Variants in NEK4 observed in about 807,000 individuals in gnomAD.
NEK4 encodes serine/threonine-protein kinase Nek4.
In NEK4, 86 loss-of-function variants were observed where a neutral mutation model predicts 98.4. That is an observed-to-expected ratio of 0.87 (90% CI 0.73 to 1.05). The LOEUF (loss-of-function observed/expected upper bound fraction) is 1.05. Ranked by LOEUF, NEK4 falls within the 50% of genes least tolerant of loss-of-function variation. The pLI is 0.00. For synonymous variants in NEK4, 328 were observed against 342.2 expected (o/e 0.96, Z 0.46); for missense variants, 898 against 950.3 (o/e 0.94, Z 0.72).
intron 15 of NEK4, among the ~76,000 whole-genome samples, chr3:52,714,663 C>A (rs2097353477): frequency 6.6e-6 from 1 of 152,206 alleles, no homozygotes; most frequent in Non-Finnish European, 1.5e-5. Flanking sequence ...CTGTCACCTG[C>A]CGCTGGGGGA....
At chr3:52,730,258 A>G (rs532751845) in intron 15 of NEK4, among the ~76,000 whole-genome samples, 1 of 152,210 alleles carries the variant, frequency 6.6e-6, no homozygotes, top group Admixed American at 6.5e-5. Flanking sequence ...ATCTGAATAG[A>G]CCCATAACTA....
chr3:52,733,394 G>C, intron 15 of NEK4: 1 of 367,910 alleles, frequency 2.7e-6, no homozygotes, highest in South Asian at 2.5e-5. Context: ...AGCATTTAAA[G>C]AGTGTTCAGG....
At chr3:52,740,332 T>C (rs1220694544) in intron 13 of NEK4, among the ~76,000 whole-genome samples, 2 of 151,506 alleles carry the variant, frequency 1.3e-5, no homozygotes, top group African/African-American at 2.4e-5. Context: ...AACATGAACA[T>C]GTTAAAGAGA....
intron 15 of NEK4, among the ~76,000 whole-genome samples, chr3:52,726,196 GATGGTTTGT>G (rs2097364408): frequency 6.6e-6 from 1 of 152,182 alleles, no homozygotes; most frequent in African/African-American, 2.4e-5. Flanking sequence ...TGAGGATATT[GATGGTTTGT>G]TTTTAGGTGT....
At chr3:52,723,533 T>A (rs1377788886) in intron 15 of NEK4, among the ~76,000 whole-genome samples, 1 of 152,048 alleles carries the variant, frequency 6.6e-6, no homozygotes, top group Non-Finnish European at 1.5e-5. Flanking sequence ...TGAGCCACCA[T>A]GCCCGGTCTG....
At position 52,768,573 on chromosome 3, in the gene NEK4, G is replaced by T; in HGVS notation, c.125C>A (p.Ala42Asp). The change falls in exon 2 of 16, where the codon GCC becomes GAC. Residue 42 changes from alanine to aspartate, a missense_variant. Transcript: ENST00000233027. ...AGCAGCTCGCCGCTCTCGGCTAGAGGCATTTCGGAGGTTCAGTTTTTTGAT... is the reference window on the plus strand; with the variant it reads ...AGCAGCTCGCCGCTCTCGGCTAGAGTCATTTCGGAGGTTCAGTTTTTTGAT... ...YVIKKLNLRN[A>D]SSRERRAAEQ... is the part of the protein sequence containing the mutation. 1 of 1,614,110 alleles carries T rather than the reference G, an allele frequency of 6.2e-7. No homozygotes were observed. The highest frequency in any genetic ancestry group is 8.5e-7 in the Non-Finnish European group (1 of 1,179,986).
rs142804627 is a variant in NEK4, at chr3:52,752,067, C to T, written c.1233G>A (p.Leu411=). ...CSISQVEEEM[L]QDNTKSSAQP... ...GGGCACTGGATTTAGTGTTGTCCTGCAGCATCTCCTCTTCCACTTGAGAAA... is the reference window on the plus strand; with the variant it reads ...GGGCACTGGATTTAGTGTTGTCCTGTAGCATCTCCTCTTCCACTTGAGAAA... The change falls in exon 7 of 16, where the codon CTG becomes CTA. Residue 411 remains leucine (L), a synonymous_variant. Coordinates refer to ENST00000233027, the MANE Select transcript of NEK4 (RefSeq NM_003157.6). The T allele has an allele frequency of 1.2e-6, 2 of 1,614,102 alleles. No individual in the cohort carries two copies. Among genetic ancestry groups the T allele is most frequent in the Middle Eastern group, 1.6e-4 (1 of 6,084 alleles).
chr3:52,763,135 T>C (rs1159683381), intron 5 of NEK4, among the ~76,000 whole-genome samples: 1 of 152,210 alleles, frequency 6.6e-6, no homozygotes, highest in Non-Finnish European at 1.5e-5. Flanking sequence ...CTTTGTTCAA[T>C]CAAGCAAAAA....
In NEK4 at chr3:52,746,046, T is replaced by C. The variant is rs756993523; in HGVS notation, c.1827+15A>G. 13 of 1,611,468 alleles carry C rather than the reference T, an allele frequency of 8.1e-6. No homozygotes were observed. Among genetic ancestry groups the C allele is most frequent in the Non-Finnish European group, 8.5e-7 (1 of 1,178,710 alleles). ...TTATAAGGTTTTTAAAAATCCAGCA[T>C]ATGTTCCCACAAACCTTTGATGATG... On this transcript the variant is annotated intron_variant, in intron 10 of 15. Transcript: ENST00000233027.
intron 2 of NEK4, among the ~76,000 whole-genome samples, chr3:52,766,915 A>C (rs1175838322): frequency 6.6e-6 from 1 of 152,088 alleles, no homozygotes; most frequent in Non-Finnish European, 1.5e-5. Context: ...GAACCCGGGA[A>C]GCGGAGCTTG....
At chr3:52,712,391 G>A (rs1349996811) in intron 15 of NEK4, among the ~76,000 whole-genome samples, 2 of 152,204 alleles carry the variant, frequency 1.3e-5, no homozygotes, top group Admixed American at 6.5e-5. Context: ...AGGCTGTGGG[G>A]CTCTGACCCC....
In NEK4 at chr3:52,759,349, C is replaced by T. The variant is rs887631892; in HGVS notation, c.963+1446G>A. Among the ~76,000 whole-genome samples, 6 of 151,396 alleles carry T rather than the reference C, an allele frequency of 4.0e-5. No homozygotes were observed. In the East Asian group the frequency reaches 7.8e-4, roughly 20 times the overall value. Reference sequence around the variant, plus strand: ...CAGAGAGGTGGAGGCTAGATTGAGCCGTGATCGCAGCACTGCACTCCAGCC... The same window carrying T: ...CAGAGAGGTGGAGGCTAGATTGAGCTGTGATCGCAGCACTGCACTCCAGCC... On this transcript the variant is annotated intron_variant, in intron 6 of 15. Coordinates refer to ENST00000233027, the MANE Select transcript of NEK4 (RefSeq NM_003157.6).
intron 15 of NEK4, chr3:52,733,773 G>A (rs1578641102): frequency 2.3e-6 from 1 of 435,532 alleles, no homozygotes; most frequent in East Asian, 7.1e-5. Flanking sequence ...CCTTACAAGT[G>A]TAATTCATGT....
In NEK4 at chr3:52,727,266, G is replaced by A. The variant is rs577723924; in HGVS notation, c.2433+10320C>T. 1.2e-4 allele frequency among the ~76,000 whole-genome samples: 19 copies of A among 152,124 alleles called. No homozygotes were observed. In the East Asian group the frequency reaches 1.9e-3, roughly 16 times the overall value. ...TGGGATTACAGGCGTGAGCCACTGC[G>A]CCTGACCTACATCTAAAATTCTTTA... On this transcript the variant is annotated intron_variant, in intron 15 of 15. Transcript: ENST00000233027.
intron 6 of NEK4, among the ~76,000 whole-genome samples, chr3:52,759,286 A>T (rs567774727): frequency 6.6e-6 from 1 of 152,056 alleles, no homozygotes; most frequent in Admixed American, 6.6e-5. Context: ...CTGTGGTCCC[A>T]GCTACTCAGG....
At position 52,728,859 on chromosome 3, in the gene NEK4, T is replaced by C. The variant is rs193133844; in HGVS notation, c.2433+8727A>G. ...GGCTGCTCTGGGAGTGTCTGTCTTA[T>C]GTGGTTGAGATAAGGACTGAAATAT... On this transcript the variant is annotated intron_variant, in intron 15 of 15. Coordinates refer to ENST00000233027, the MANE Select transcript of NEK4 (RefSeq NM_003157.6). 1.8e-3 allele frequency among the ~76,000 whole-genome samples: 268 copies of C among 152,230 alleles called. 8 individuals are homozygous for C. The East Asian group carries it at 0.041, about 23-fold the overall frequency.
chr3:52,710,865 A>T lies in NEK4; in HGVS notation c.*912T>A, dbSNP rs2097349710. 6.6e-6 allele frequency: 1 copy of T among 152,316 alleles called. No individual in the cohort carries two copies. The highest frequency in any genetic ancestry group is 2.4e-5 in the African/African-American group (1 of 41,464). 9.4% of individuals were successfully genotyped at this position (152,316 alleles called of 1,614,324 possible). ...ATTCAAGACTTGTATTTAACTTCAT[A>T]AAATTTCTTTCCTAGATGGGTATTA... On this transcript the variant is annotated 3_prime_UTR_variant, in exon 16 of 16. Coordinates refer to ENST00000233027, the MANE Select transcript of NEK4 (RefSeq NM_003157.6).
Position 52,770,758 on chromosome 3 carries a change from T to A in NEK4, c.-12A>T, listed in dbSNP as rs376049950. On this transcript the variant is annotated 5_prime_UTR_variant, in exon 1 of 16. Coordinates refer to ENST00000233027, the MANE Select transcript of NEK4 (RefSeq NM_003157.6). ...GCGGCCAGGGGCATGTTCCCAGCGCTGGCCCAGAGTCGGGATGCGGCGGCA... is the reference window on the plus strand; with the variant it reads ...GCGGCCAGGGGCATGTTCCCAGCGCAGGCCCAGAGTCGGGATGCGGCGGCA... 2.3e-5 allele frequency: 36 copies of A among 1,555,016 alleles called. No homozygotes were observed. Among genetic ancestry groups the A allele is most frequent in the Non-Finnish European group, 3.0e-5 (35 of 1,150,672 alleles).
intron 4 of NEK4, 59 bp downstream of exon 4, chr3:52,765,828 G>A (rs1358563113): frequency 1.0e-6 from 1 of 991,444 alleles, no homozygotes; most frequent in East Asian, 2.4e-5. Flanking sequence ...TTTGCTAGTA[G>A]CTATTTATAA....
Sources: allele counts gnomAD v4.1 joint callset (sites outside exome capture counted in the v4.1 genomes callset), GRCh38; gene constraint gnomAD v4.1.1; transcripts MANE v1.5; gene names NCBI Gene and HGNC (gene_info 2026-07-23, HGNC 2026-07-21).